Variants in JADE3 observed in about 807,000 individuals in gnomAD.
JADE3 encodes protein Jade-3.
Under a neutral mutation model 50.1 loss-of-function variants are expected in JADE3, and 2 were observed. The observed-to-expected ratio is 0.04, with a 90% confidence interval of 0.02 to 0.13. JADE3 has a LOEUF of 0.13. JADE3 is among the 10% of genes least tolerant of loss of function. The pLI is 1.00. For synonymous variants in JADE3, 218 were observed against 232.9 expected, an observed-to-expected ratio of 0.94 and a Z score of 0.58; for missense variants, 475 against 634.4, an observed-to-expected ratio of 0.75 and a Z score of 2.70.
rs782421384 is a variant in JADE3, at chrX:46,967,474, T to C, written c.-11-17410T>C. Among the ~76,000 whole-genome samples the C allele has an allele frequency of 8.9e-5, 10 of 111,958 alleles. No homozygotes were observed. The South Asian group carries it at 3.4e-3, about 38-fold the overall frequency. On this transcript the variant is annotated intron_variant, in intron 1 of 10. Transcript: ENST00000614628. ...GAATAGAAAGGAAAAACCTGCTTTC[T>C]TCTGTGTTTCATATTCCTATCTGGA...
At chrX:46,999,485 A>ATATAAC (rs1556358436) in intron 4 of JADE3, among the ~76,000 whole-genome samples, 2 of 105,173 alleles carry the variant, frequency 1.9e-5, no homozygotes, top group African/African-American at 3.4e-5. Context: ...ATATATATAT[A>ATATAAC]AAATAGGGTC....
intron 10 of JADE3, among the ~76,000 whole-genome samples, chrX:47,056,643 C>A (rs1205766663): frequency 2.7e-5 from 3 of 111,969 alleles, no homozygotes; most frequent in African/African-American, 9.7e-5. Context: ...TTCATTTATT[C>A]ACTAATATTT....
intron 4 of JADE3, among the ~76,000 whole-genome samples, chrX:47,010,491 C>T (rs782654125): frequency 1.8e-5 from 2 of 112,241 alleles, no homozygotes; most frequent in Non-Finnish European, 3.8e-5. Context: ...GCTGGGATTA[C>T]AGGCGTGAGC....
intron 4 of JADE3, among the ~76,000 whole-genome samples, chrX:47,023,119 C>T (rs781802566): frequency 9.0e-6 from 1 of 111,256 alleles, no homozygotes; most frequent in South Asian, 3.8e-4. Flanking sequence ...CATTTTTTCC[C>T]TTCAACTTTT....
At chrX:47,052,513 A>T (rs1000265984) in intron 8 of JADE3, among the ~76,000 whole-genome samples, 3 of 106,445 alleles carry the variant, frequency 2.8e-5, no homozygotes, top group Non-Finnish European at 5.8e-5. Context: ...AGGCACGTGT[A>T]GTCCCAGCTA....
At chrX:47,015,309 T>G (rs1157292424) in intron 4 of JADE3, among the ~76,000 whole-genome samples, 4 of 111,999 alleles carry the variant, frequency 3.6e-5, no homozygotes, top group Non-Finnish European at 7.5e-5. Context: ...TGGCCGGGTG[T>G]GGTGGCTCAC....
intron 1 of JADE3, among the ~76,000 whole-genome samples, chrX:46,922,922 A>G (rs1209199132): frequency 9.0e-6 from 1 of 111,450 alleles, no homozygotes; most frequent in East Asian, 2.8e-4. Context: ...TGGGCAGGAG[A>G]TGCTTAGGTA....
At chrX:47,023,645 C>T (rs1928844686) in intron 4 of JADE3, among the ~76,000 whole-genome samples, 1 of 112,648 alleles carries the variant, frequency 8.9e-6, no homozygotes, top group South Asian at 3.6e-4. Flanking sequence ...CAGTGGCTCA[C>T]GCCTGTAATC....
chrX:47,043,787 C>T (rs1344546392), intron 8 of JADE3, among the ~76,000 whole-genome samples: 1 of 105,609 alleles, frequency 9.5e-6, no homozygotes, highest in Non-Finnish European at 1.9e-5. Flanking sequence ...CCACTGCACT[C>T]CAGCCTGGGC....
intron 9 of JADE3, among the ~76,000 whole-genome samples, chrX:47,055,696 C>T (rs1556373270): frequency 1.8e-5 from 2 of 111,702 alleles, no homozygotes; most frequent in African/African-American, 6.5e-5. Flanking sequence ...CCTGCTCGTC[C>T]GGCACTGATT....
rs1929701290 is a variant in JADE3 at position 47,058,987 on chromosome X, A to T, written c.2382A>T (p.Ser794=). ...AAGTCAGGGTAAGGAAAGATAGCTC[A>T]GACAGGGAAAATCCTCCCCATGACT... ...KEKVRVRKDS[S]DRENPPHDSR... Residue 794 remains serine, a synonymous_variant, in exon 11 of 11, where the codon TCA becomes TCT. Transcript: ENST00000614628. 1 of 1,205,398 alleles carries T rather than the reference A, an allele frequency of 8.3e-7. No individual in the cohort carries two copies. Among genetic ancestry groups the T allele is most frequent in the Admixed American group, 2.2e-5 (1 of 45,674 alleles).
At chrX:47,007,188 G>A (rs1045612366) in intron 4 of JADE3, among the ~76,000 whole-genome samples, 1 of 111,505 alleles carries the variant, frequency 9.0e-6, no homozygotes, top group East Asian at 2.8e-4. Flanking sequence ...TTATTTTATG[G>A]CCCAGGATAT....
chrX:47,046,381 G>A (rs922805425), intron 8 of JADE3, among the ~76,000 whole-genome samples: 11 of 111,876 alleles, frequency 9.8e-5, no homozygotes, highest in Admixed American at 4.8e-4. Context: ...GATTGAAGTC[G>A]TTATAAAAAG....
At chrX:46,966,108 G>GAAGATTATTTTAGA (rs1927360681) in intron 1 of JADE3, among the ~76,000 whole-genome samples, 1 of 111,872 alleles carries the variant, frequency 8.9e-6, no homozygotes, top group Non-Finnish European at 1.9e-5. Context: ...TAACTGACAG[G>GAAGATTATTTTAGA]GCTTAATAAT....
rs1602425558 is a variant in JADE3 at position 47,054,061 on chromosome X, C to A, written c.973-97C>A. 7 of 552,048 alleles carry A rather than the reference C, an allele frequency of 1.3e-5. No homozygotes were observed. The Admixed American group carries it at 2.7e-4, about 22-fold the overall frequency. 45.5% of individuals were successfully genotyped at this position (552,048 alleles called of 1,213,427 possible). A position where few individuals can be genotyped will look rare whatever the true frequency, so the allele number is the denominator to read the frequency against. On this transcript the variant is annotated intron_variant, in intron 8 of 10. Coordinates refer to ENST00000614628, the MANE Select transcript of JADE3 (RefSeq NM_014735.5). ...TAGGACTAACTTTCTCCCGGTCTTT[C>A]TTTTGCTTCCTACAAGCTATCAATT... is the stretch of plus-strand genomic sequence containing the variant.
chrX:46,932,826 T>A (rs782315283), intron 1 of JADE3, among the ~76,000 whole-genome samples: 1 of 111,910 alleles, frequency 8.9e-6, no homozygotes, highest in South Asian at 3.8e-4. Context: ...GAAACTAATG[T>A]TCCTTCCTAT....
Position 47,015,581 on chromosome X carries a change from CA to C in JADE3, c.285-9129del, listed in dbSNP as rs56831185. On this transcript the variant is annotated intron_variant, in intron 4 of 10. Transcript: ENST00000614628. The stretch of plus-strand genomic sequence containing the variant: ...CCTGAGTGACAGAGCAAGACTGTCT[CA>C]AAAAAAAAAAAAAGGAATTGATCTA... 3.1e-3 allele frequency among the ~76,000 whole-genome samples: 209 copies of C among 67,103 alleles called. 1 individual carries two copies. Among genetic ancestry groups the C allele is most frequent in the Middle Eastern group, 0.025 (2 of 79 alleles). 58.3% of individuals were successfully genotyped at this position (67,103 alleles called of 115,157 possible).
rs1926021869 is a variant in JADE3, at chrX:46,913,748, A to AT, written c.-12+1030dup. On this transcript the variant is annotated intron_variant, in intron 1 of 10. Coordinates refer to ENST00000614628, the MANE Select transcript of JADE3 (RefSeq NM_014735.5). ...TGGAGTGAGTGACCACAATGGTGGTATGTGGAGGCATGTTTCAAAGTTTTT... is the reference window on the plus strand; with the variant it reads ...TGGAGTGAGTGACCACAATGGTGGTATTGTGGAGGCATGTTTCAAAGTTTTT... Among the ~76,000 whole-genome samples the AT allele has an allele frequency of 5.4e-5, 6 of 110,117 alleles. No homozygotes were observed. The South Asian group carries it at 2.4e-3, about 43-fold the overall frequency.
chrX:47,046,160 C>T (rs1406466332), intron 8 of JADE3, among the ~76,000 whole-genome samples: 3 of 110,383 alleles, frequency 2.7e-5, no homozygotes, highest in Non-Finnish European at 5.7e-5. Flanking sequence ...AAGAGAGAAA[C>T]CCCAAATAAA....
Sources: gnomAD v4.1 joint callset for allele counts (sites outside exome capture counted in the v4.1 genomes callset) on GRCh38, gnomAD v4.1.1 for gene constraint, MANE v1.5 for transcripts, NCBI Gene and HGNC (gene_info 2026-07-23, HGNC 2026-07-21) for gene names.